LRP1B: variants seen among roughly 807,000 people sequenced by gnomAD.
The protein encoded by LRP1B is low-density lipoprotein receptor-related protein 1B.
LRP1B carries 217 observed loss-of-function variants against 556.6 expected under a neutral mutation model. That is an observed-to-expected ratio of 0.39 (90% confidence interval 0.35 to 0.44). The LOEUF is 0.44. Among genes scored for constraint, LRP1B ranks in the 20% least tolerant of loss-of-function variants. The pLI, the probability that LRP1B is intolerant of heterozygous loss-of-function variation, is 1.00. For missense variants in LRP1B, 5,053 were observed against 5,620.8 expected, an observed-to-expected ratio of 0.90 and a Z score of 3.23; for synonymous variants, 2,047 against 1,865.8, an observed-to-expected ratio of 1.10 and a Z score of -2.50.
rs76670552 is a variant in LRP1B at position 141,455,698 on chromosome 2, G to T, written c.343+24698C>A. Among the ~76,000 whole-genome samples, 880 of 152,170 alleles carry T rather than the reference G, an allele frequency of 5.8e-3. 21 individuals are homozygous for T. The East Asian group carries it at 0.058, about 10-fold the overall frequency. ...AAGATGTACGTTTTGTGGAATAAAT[G>T]AACAAATACATTAATAACTTTTATG... On this transcript the variant is annotated intron_variant, in intron 3 of 90. Coordinates refer to ENST00000389484, the MANE Select transcript of LRP1B (RefSeq NM_018557.3).
intron 1 of LRP1B, among the ~76,000 whole-genome samples, chr2:141,964,373 C>A (rs1359183965): frequency 6.8e-6 from 1 of 147,186 alleles, no homozygotes. Flanking sequence ...ACCAAAACAG[C>A]ATGGTACTGG....
chr2:141,017,432 A>G (rs1003898108), intron 12 of LRP1B, among the ~76,000 whole-genome samples: 6 of 145,892 alleles, frequency 4.1e-5, no homozygotes, highest in Middle Eastern at 3.5e-3. Context: ...TTTTTCTGTG[A>G]CTCAAATCAC....
At chr2:141,093,044 T>C (rs911088778) in intron 7 of LRP1B, among the ~76,000 whole-genome samples, 6 of 135,888 alleles carry the variant, frequency 4.4e-5, no homozygotes, top group African/African-American at 1.6e-4. Context: ...TCAAGACTTT[T>C]TTGTTGTTTT....
chr2:141,429,223 C>T, intron 3 of LRP1B, among the ~76,000 whole-genome samples: 1 of 152,238 alleles, frequency 6.6e-6, no homozygotes, highest in African/African-American at 2.4e-5. Flanking sequence ...TAGACCCTTA[C>T]AAATTTAATT....
chr2:141,177,158 A>C (rs576816739), intron 7 of LRP1B, among the ~76,000 whole-genome samples: 28 of 152,246 alleles, frequency 1.8e-4, no homozygotes, highest in African/African-American at 6.0e-4. Context: ...TCAAAATCAG[A>C]GAATTCTTAA....
At chr2:141,973,407 G>C (rs527487592) in intron 1 of LRP1B, among the ~76,000 whole-genome samples, 1 of 151,850 alleles carries the variant, frequency 6.6e-6, no homozygotes, top group East Asian at 1.9e-4. Context: ...TTTTTGTCCA[G>C]ATGTATATAT....
intron 2 of LRP1B, among the ~76,000 whole-genome samples, chr2:141,671,828 T>TC (rs1690679517): frequency 6.6e-6 from 1 of 151,878 alleles, no homozygotes; most frequent in Admixed American, 6.6e-5. Context: ...TCAAACTTTT[T>TC]TTTTTTTTCA....
chr2:141,824,404 G>A (rs940503655), intron 1 of LRP1B, among the ~76,000 whole-genome samples: 4 of 152,170 alleles, frequency 2.6e-5, no homozygotes, highest in African/African-American at 4.8e-5. Flanking sequence ...GTTTTACCCA[G>A]GCTGGAATGC....
chr2:141,257,573 C>A (rs954667229), intron 3 of LRP1B, among the ~76,000 whole-genome samples: 1 of 152,084 alleles, frequency 6.6e-6, no homozygotes, highest in African/African-American at 2.4e-5. Flanking sequence ...ATCTGAAAGA[C>A]CAGACCTCAA....
chr2:141,605,928 A>G (rs1018413172), intron 2 of LRP1B, among the ~76,000 whole-genome samples: 1 of 150,032 alleles, frequency 6.7e-6, no homozygotes, highest in Non-Finnish European at 1.5e-5. Flanking sequence ...ATAAAGTCCA[A>G]TTAAGTATGA....
intron 2 of LRP1B, among the ~76,000 whole-genome samples, chr2:141,712,523 G>T (rs749079240): frequency 3.3e-5 from 5 of 152,024 alleles, no homozygotes; most frequent in Non-Finnish European, 4.4e-5. Flanking sequence ...ATATCTCAGT[G>T]CTCTGACTTA....
chr2:141,107,792 C>T (rs1399726413), intron 7 of LRP1B, among the ~76,000 whole-genome samples: 2 of 152,038 alleles, frequency 1.3e-5, no homozygotes, highest in Non-Finnish European at 2.9e-5. Flanking sequence ...ACAACTTCTG[C>T]TTGTGGCTGT....
At chr2:140,421,709 T>C (rs1469912160) in intron 66 of LRP1B, among the ~76,000 whole-genome samples, 1 of 152,218 alleles carries the variant, frequency 6.6e-6, no homozygotes, top group East Asian at 1.9e-4. Flanking sequence ...ACATATATCT[T>C]TACTTCTTTT....
chr2:140,580,392 G>C (rs1402740522), intron 43 of LRP1B, among the ~76,000 whole-genome samples: 1 of 152,130 alleles, frequency 6.6e-6, no homozygotes, highest in Non-Finnish European at 1.5e-5. Flanking sequence ...AAAAGGCCCT[G>C]TGTTGCCAAT....
chr2:140,539,671 C>A (rs530454911), intron 45 of LRP1B, among the ~76,000 whole-genome samples: 1 of 152,122 alleles, frequency 6.6e-6, no homozygotes, highest in South Asian at 2.1e-4. Flanking sequence ...ATGAGTGATT[C>A]TAACGCATGG....
chr2:141,986,061 T>C (rs1321541187), intron 1 of LRP1B, among the ~76,000 whole-genome samples: 1 of 151,926 alleles, frequency 6.6e-6, no homozygotes, highest in Non-Finnish European at 1.5e-5. Flanking sequence ...TATGGGCTTC[T>C]TTCTCAGGGA....
At chr2:141,526,931 A>T (rs1684710933) in intron 2 of LRP1B, among the ~76,000 whole-genome samples, 1 of 152,094 alleles carries the variant, frequency 6.6e-6, no homozygotes, top group Non-Finnish European at 1.5e-5. Flanking sequence ...AGGTTTTAGA[A>T]TCCGGATTAC....
intron 7 of LRP1B, among the ~76,000 whole-genome samples, chr2:141,137,259 A>G (rs1336922581): frequency 6.6e-6 from 1 of 151,972 alleles, no homozygotes; most frequent in Non-Finnish European, 1.5e-5. Flanking sequence ...GTTATATGTT[A>G]GTTACAGAGG....
intron 3 of LRP1B, among the ~76,000 whole-genome samples, chr2:141,369,194 T>C (rs1222399394): frequency 6.6e-6 from 1 of 152,156 alleles, no homozygotes; most frequent in Non-Finnish European, 1.5e-5. Flanking sequence ...TTATTTAAAA[T>C]ATATTTAAGA....
Sources: allele counts gnomAD v4.1 joint callset (sites outside exome capture counted in the v4.1 genomes callset), GRCh38; gene constraint gnomAD v4.1.1; transcripts MANE v1.5; gene names NCBI Gene and HGNC (gene_info 2026-07-23, HGNC 2026-07-21).